Variants in ROBO2 observed in about 807,000 individuals in gnomAD.
ROBO2 encodes roundabout homolog 2.
Under a neutral mutation model 160.8 loss-of-function variants are expected in ROBO2, and 53 were observed. The observed-to-expected ratio is 0.33, with a 90% CI of 0.26 to 0.41. The LOEUF is 0.41. Among genes scored for constraint, ROBO2 ranks in the 10% least tolerant of loss-of-function variants. The pLI, the probability that ROBO2 is intolerant of heterozygous loss-of-function variation, is 1.00. For synonymous variants in ROBO2, 664 were observed against 611.7 expected (o/e 1.09, Z -1.26); for missense variants, 1,577 against 1,722.4 (o/e 0.92, Z 1.49).
chr3:77,602,988 C>T (rs1295409856), intron 20 of ROBO2: 1 of 456,748 alleles, frequency 2.2e-6, no homozygotes, highest in Admixed American at 2.3e-5. Flanking sequence ...TAATAGAATG[C>T]CACACAACCA....
intron 2 of ROBO2, among the ~76,000 whole-genome samples, chr3:76,877,297 CA>C (rs2072847787): frequency 6.6e-6 from 1 of 152,084 alleles, no homozygotes; most frequent in African/African-American, 2.4e-5. Flanking sequence ...TAATCGTACG[CA>C]AACAGTACAC....
intron 2 of ROBO2, among the ~76,000 whole-genome samples, chr3:77,217,812 A>G (rs1048005227): frequency 2.0e-5 from 3 of 152,228 alleles, no homozygotes; most frequent in Admixed American, 6.5e-5. Context: ...TAAGTTTTAC[A>G]GCTTCTGGAA....
chr3:76,035,188 TC>T (rs1291521055), intron 2 of ROBO2, among the ~76,000 whole-genome samples: 2 of 98,734 alleles, frequency 2.0e-5, no homozygotes, highest in African/African-American at 4.4e-5. Context: ...TGTAAATATA[TC>T]TTTTTTTTTT....
rs79940568 is a variant in ROBO2 at position 77,638,671 on chromosome 3, C to T, written c.3934+3628C>T. On this transcript the variant is annotated intron_variant, in intron 24 of 25. Coordinates refer to ENST00000461745, the Ensembl canonical transcript of ROBO2. ...TCTCCAAAGCAGGCATTGCTGAGTC[C>T]AAATCTTGTATTCCATTTGTCTTAT... Among the ~76,000 whole-genome samples the T allele has an allele frequency of 4.5e-3, 687 of 152,138 alleles. 10 individuals carry two copies. Among genetic ancestry groups the T allele is most frequent in the African/African-American group, 0.016 (666 of 41,488 alleles).
At chr3:77,556,834 T>C (rs1407229299) in intron 8 of ROBO2, among the ~76,000 whole-genome samples, 1 of 151,910 alleles carries the variant, frequency 6.6e-6, no homozygotes, top group African/African-American at 2.4e-5. Flanking sequence ...TTTTATATGT[T>C]ACATATAACC....
chr3:77,617,583 C>T (rs2094808754), exon 22 of ROBO2: 2 of 1,613,996 alleles, frequency 1.2e-6, no homozygotes, highest in South Asian at 2.2e-5. Context: ...GGAAGATGAA[C>T]TGGAAGAAGA....
chr3:76,874,099 G>A (rs2072441999), intron 2 of ROBO2, among the ~76,000 whole-genome samples: 1 of 152,096 alleles, frequency 6.6e-6, no homozygotes, highest in African/African-American at 2.4e-5. Flanking sequence ...ATTGACTAAG[G>A]AGATAAGTCA....
chr3:77,198,353 C>CTAGG (rs1201147958), intron 2 of ROBO2, among the ~76,000 whole-genome samples: 7 of 151,950 alleles, frequency 4.6e-5, no homozygotes, highest in Non-Finnish European at 8.8e-5. Flanking sequence ...TTATAAAGAC[C>CTAGG]TAGGGGAAGG....
chr3:77,421,031 A>G (rs1033711421), intron 2 of ROBO2, among the ~76,000 whole-genome samples: 2 of 152,132 alleles, frequency 1.3e-5, no homozygotes, highest in Non-Finnish European at 2.9e-5. Context: ...AAGAAAGTAT[A>G]GTATGGAAGG....
At chr3:76,792,727 ACAAC>A (rs1252286972) in intron 2 of ROBO2, among the ~76,000 whole-genome samples, 2 of 151,742 alleles carry the variant, frequency 1.3e-5, no homozygotes, top group African/African-American at 4.8e-5. Context: ...AAAGCAAAAA[ACAAC>A]AACAACAACA....
intron 1 of ROBO2, among the ~76,000 whole-genome samples, chr3:75,930,628 G>A (rs568091857): frequency 1.3e-5 from 2 of 152,190 alleles, no homozygotes; most frequent in East Asian, 3.9e-4. Context: ...TCTGGGAGTT[G>A]ATGGTTTATA....
chr3:76,105,659 T>C (rs1011047775), intron 2 of ROBO2, among the ~76,000 whole-genome samples: 11 of 152,102 alleles, frequency 7.2e-5, no homozygotes, highest in African/African-American at 2.4e-4. Flanking sequence ...AATATACTTA[T>C]GAGTTCTGAA....
chr3:77,058,110 A>C (rs2065941212), intron 1 of ROBO2, among the ~76,000 whole-genome samples: 1 of 152,210 alleles, frequency 6.6e-6, no homozygotes, highest in South Asian at 2.1e-4. Context: ...TGTTATTAAG[A>C]AAATTCTTAG....
chr3:76,459,929 A>G (rs369729295), intron 2 of ROBO2, among the ~76,000 whole-genome samples: 1 of 152,198 alleles, frequency 6.6e-6, no homozygotes, highest in Non-Finnish European at 1.5e-5. Context: ...ATGAACCAAC[A>G]AAAACCAAGA....
chr3:76,579,938 C>G (rs1240098153), intron 2 of ROBO2, among the ~76,000 whole-genome samples: 1 of 152,104 alleles, frequency 6.6e-6, no homozygotes, highest in East Asian at 1.9e-4. Context: ...ACCTGATTCC[C>G]CTTTTTAGAC....
At chr3:77,459,732 G>A (rs959267484) in intron 2 of ROBO2, among the ~76,000 whole-genome samples, 1 of 152,030 alleles carries the variant, frequency 6.6e-6, no homozygotes, top group African/African-American at 2.4e-5. Flanking sequence ...AGGAAGTCAT[G>A]GGGAGAATAA....
At chr3:77,185,544 C>T (rs2081202646) in intron 2 of ROBO2, among the ~76,000 whole-genome samples, 1 of 151,846 alleles carries the variant, frequency 6.6e-6, no homozygotes, top group Non-Finnish European at 1.5e-5. Context: ...ATGCAGTGAA[C>T]AGGGAACATT....
Position 76,426,208 on chromosome 3 carries a change from G to A in ROBO2, c.109+488606G>A, listed in dbSNP as rs2076214160. Among the ~76,000 whole-genome samples, 4 of 152,140 alleles carry A rather than the reference G, an allele frequency of 2.6e-5. 1 individual carries two copies. Among genetic ancestry groups the A allele is most frequent in the Admixed American group, 1.3e-4 (2 of 15,256 alleles). ...TTAGGGATTTGTAGCTCTGGCAAAT[G>A]TTATTTGAGTATTTGACTAGTACCA... On this transcript the variant is annotated intron_variant, in intron 2 of 26. Transcript: ENST00000487694.
intron 2 of ROBO2, among the ~76,000 whole-genome samples, chr3:76,084,755 A>G (rs961965605): frequency 6.6e-6 from 1 of 152,102 alleles, no homozygotes; most frequent in Non-Finnish European, 1.5e-5. Flanking sequence ...CTGACAGAAG[A>G]ATTACCACCT....
Sources: allele counts gnomAD v4.1 joint callset (sites outside exome capture counted in the v4.1 genomes callset), GRCh38; gene constraint gnomAD v4.1.1; transcripts MANE v1.5; gene names NCBI Gene and HGNC (gene_info 2026-07-23, HGNC 2026-07-21).